PDE7A: variants seen among roughly 807,000 people sequenced by gnomAD.
PDE7A encodes high affinity 3',5'-cyclic-AMP phosphodiesterase 7A.
PDE7A carries 39 observed loss-of-function variants against 64.3 expected under a neutral mutation model. The ratio of observed to expected loss-of-function variants is 0.61; its 90% CI spans 0.47 to 0.79. The LOEUF (loss-of-function observed/expected upper bound fraction) is 0.79. PDE7A is among the 30% of genes least tolerant of loss of function. The pLI, the probability that PDE7A is intolerant of heterozygous loss-of-function variation, is 0.00. For missense variants in PDE7A, 470 were observed against 582.8 expected (o/e 0.81, Z 1.99); for synonymous variants, 203 against 206.8 (o/e 0.98, Z 0.16).
chr8:65,793,317 T>G (rs955126770), intron 1 of PDE7A, among the ~76,000 whole-genome samples: 3 of 152,030 alleles, frequency 2.0e-5, no homozygotes, highest in Admixed American at 6.5e-5. Flanking sequence ...ATAGCAAATC[T>G]GCATATAAAA....
At chr8:65,839,008 C>T (rs967336595) in intron 1 of PDE7A, among the ~76,000 whole-genome samples, 6 of 152,152 alleles carry the variant, frequency 3.9e-5, no homozygotes, top group African/African-American at 1.4e-4. Context: ...TGTGCTGTAC[C>T]TTCATGCTCC....
At chr8:65,798,207 T>TATATACATATA (rs552708184) in intron 1 of PDE7A, among the ~76,000 whole-genome samples, 1 of 15,468 alleles carries the variant, frequency 6.5e-5, no homozygotes, top group African/African-American at 2.1e-4. Context: ...TATATATATA[T>TATATACATATA]TTTTTTTTTT....
Position 65,841,374 on chromosome 8 carries a change from A to G in PDE7A, c.135T>C (p.Ser45=). The G allele has an allele frequency of 6.4e-6, 10 of 1,554,488 alleles. No homozygotes were observed. The highest frequency in any genetic ancestry group is 8.7e-6 in the Non-Finnish European group (10 of 1,155,152). ...LFGCPNPRQL[S]QRRGAISYDS... is the part of the protein sequence containing the mutation. ...TGGGCCCGGCGGCGGCGATTACCTGAGAGAGCTGCCGGGGATTGGGGCAGC... is the reference window on the plus strand; with the variant it reads ...TGGGCCCGGCGGCGGCGATTACCTGGGAGAGCTGCCGGGGATTGGGGCAGC... Residue 45 remains serine (S), a synonymous_variant, in exon 1 of 13, where the codon TCT becomes TCC. Transcript: ENST00000401827.
At chr8:65,815,743 CA>C (rs112477700) in intron 1 of PDE7A, among the ~76,000 whole-genome samples, 72,611 of 152,034 alleles carry the variant, frequency 0.48, 20,288 homozygotes, top group African/African-American at 0.77. Flanking sequence ...TGTAACAGTA[CA>C]AAAAAATTCG....
At chr8:65,802,061 C>G (rs182185279) in intron 1 of PDE7A, among the ~76,000 whole-genome samples, 1 of 152,168 alleles carries the variant, frequency 6.6e-6, no homozygotes, top group African/African-American at 2.4e-5. Flanking sequence ...CAACACTCTA[C>G]AAAGAAATTT....
At chr8:65,806,909 C>T (rs989710965) in intron 1 of PDE7A, among the ~76,000 whole-genome samples, 1 of 152,212 alleles carries the variant, frequency 6.6e-6, no homozygotes, top group Non-Finnish European at 1.5e-5. Flanking sequence ...TGTGTCTAAG[C>T]TTATGCCAGC....
At chr8:65,756,640 T>A (rs986536682) in intron 3 of PDE7A, among the ~76,000 whole-genome samples, 1 of 152,200 alleles carries the variant, frequency 6.6e-6, no homozygotes, top group African/African-American at 2.4e-5. Flanking sequence ...TTGTACATTG[T>A]TTTCCTTATT....
intron 9 of PDE7A, among the ~76,000 whole-genome samples, chr8:65,726,434 C>A (rs191664191): frequency 1.7e-4 from 26 of 152,152 alleles, no homozygotes; most frequent in African/African-American, 5.5e-4. Flanking sequence ...AAGGCACTCT[C>A]TTTACTTTCT....
At chr8:65,734,082 C>T (rs936765360) in intron 7 of PDE7A, among the ~76,000 whole-genome samples, 4 of 152,082 alleles carry the variant, frequency 2.6e-5, no homozygotes, top group African/African-American at 7.2e-5. Context: ...TATACTAGAC[C>T]TCTATATTAG....
At chr8:65,771,254 C>A (rs75874147) in intron 3 of PDE7A, 8,678 of 152,866 alleles carry the variant, frequency 0.057, 356 homozygotes, top group Middle Eastern at 0.1. Flanking sequence ...TATAAAAAAT[C>A]TTAAAAGAAA....
At chr8:65,768,696 C>T (rs1041597639) in intron 3 of PDE7A, among the ~76,000 whole-genome samples, 2 of 152,148 alleles carry the variant, frequency 1.3e-5, no homozygotes, top group African/African-American at 4.8e-5. Flanking sequence ...AATACTATTT[C>T]AAGAAAATAC....
chr8:65,781,154 CATT>C (rs1317725523), intron 2 of PDE7A, among the ~76,000 whole-genome samples: 1 of 152,066 alleles, frequency 6.6e-6, no homozygotes, highest in African/African-American at 2.4e-5. Flanking sequence ...GAGGGTGACT[CATT>C]AGTGCAGTCA....
chr8:65,715,752 G>A lies in PDE7A; in HGVS notation c.*3538C>T, dbSNP rs1359666190. Among the ~76,000 whole-genome samples, 7 of 148,246 alleles carry A rather than the reference G, an allele frequency of 4.7e-5. No individual in the cohort carries two copies. Among genetic ancestry groups the A allele is most frequent in the South Asian group, 2.1e-4 (1 of 4,694 alleles). ...TGTAATCCCAGCACTATGGGAGGCC[G>A]AGGCGGGCGGATCACGAGGTCAGGA... On this transcript the variant is annotated 3_prime_UTR_variant, in exon 13 of 13. Coordinates refer to ENST00000401827, the MANE Select transcript of PDE7A (RefSeq NM_001242318.3).
rs184190996 is a variant in PDE7A, at chr8:65,716,437, T to G, written c.*2853A>C. 1.1e-4 allele frequency among the ~76,000 whole-genome samples: 16 copies of G among 152,116 alleles called. No individual in the cohort carries two copies. The highest frequency in any genetic ancestry group is 1.6e-4 in the Non-Finnish European group (11 of 68,020). ...AATGCATGTGCCAATCAGAAGCTGA[T>G]GTAGAGAAGCAACTACTGGCAGAGA... On this transcript the variant is annotated 3_prime_UTR_variant, in exon 13 of 13. Coordinates refer to ENST00000401827, the MANE Select transcript of PDE7A (RefSeq NM_001242318.3).
chr8:65,740,669 G>A (rs1452995108), intron 5 of PDE7A, among the ~76,000 whole-genome samples: 1 of 152,128 alleles, frequency 6.6e-6, no homozygotes, highest in Non-Finnish European at 1.5e-5. Context: ...CAAAGTGCTG[G>A]GATTTACAGG....
At chr8:65,814,940 G>C (rs1810360256) in intron 1 of PDE7A, among the ~76,000 whole-genome samples, 2 of 152,038 alleles carry the variant, frequency 1.3e-5, no homozygotes, top group Admixed American at 6.6e-5. Flanking sequence ...AATTAGCTGG[G>C]CATGGTGGTG....
At chr8:65,740,102 G>T (rs1807341536) in intron 5 of PDE7A, among the ~76,000 whole-genome samples, 1 of 149,254 alleles carries the variant, frequency 6.7e-6, no homozygotes, top group East Asian at 2.0e-4. Flanking sequence ...AAGATCATCA[G>T]GATTAAAAAC....
At chr8:65,840,830 G>A (rs1585963461) in intron 1 of PDE7A, among the ~76,000 whole-genome samples, 2 of 152,246 alleles carry the variant, frequency 1.3e-5, no homozygotes, top group African/African-American at 2.4e-5. Flanking sequence ...ACCCAGTACA[G>A]CCCAGCCACA....
intron 7 of PDE7A, among the ~76,000 whole-genome samples, chr8:65,729,044 T>C (rs1023685812): frequency 1.3e-4 from 20 of 152,260 alleles, no homozygotes; most frequent in African/African-American, 4.6e-4. Context: ...TTCAATATTA[T>C]AACAAAGACA....
Sources: allele counts gnomAD v4.1 joint callset (sites outside exome capture counted in the v4.1 genomes callset), GRCh38; gene constraint gnomAD v4.1.1; transcripts MANE v1.5; gene names NCBI Gene and HGNC (gene_info 2026-07-23, HGNC 2026-07-21).